The following RNF125 variants were observed in gnomAD, a reference collection of about 807,000 sequenced individuals.
The protein encoded by RNF125 is ring finger protein 125, also known as E3 ubiquitin-protein ligase RNF125.
A neutral mutation model predicts 26.0 loss-of-function variants in RNF125; 21 were observed. That is an observed-to-expected ratio of 0.81 (90% CI 0.57 to 1.16). RNF125 has a LOEUF of 1.16. RNF125 is among the 50% of genes most tolerant of loss of function. The probability of loss-of-function intolerance (pLI) is 0.00; values close to 1 mark genes in which losing one functional copy is unlikely to be tolerated. For missense variants in RNF125, 270 were observed against 299.4 expected, an observed-to-expected ratio of 0.90 and a Z score of 0.72; for synonymous variants, 95 against 109.2, an observed-to-expected ratio of 0.87 and a Z score of 0.81.
At chr18:32,050,881 T>C (rs1357746694) in intron 4 of RNF125, among the ~76,000 whole-genome samples, 111 of 123,622 alleles carry the variant, frequency 9.0e-4, no homozygotes, top group Middle Eastern at 7.7e-3. Flanking sequence ...TTTTTTTTTT[T>C]TTTTTTTTTT....
At chr18:32,040,269 CTTT>C (rs1185186501) in intron 2 of RNF125, among the ~76,000 whole-genome samples, 3 of 104,486 alleles carry the variant, frequency 2.9e-5, no homozygotes, top group African/African-American at 3.8e-5. Flanking sequence ...CAATTTCTTT[CTTT>C]TTTTTTTTTT....
chr18:32,087,370 G>A, the RNF125 span, among the ~76,000 whole-genome samples: 437 of 151,932 alleles, frequency 2.9e-3, 1 homozygote, highest in African/African-American at 9.7e-3. Context: ...ACCGCAACTT[G>A]AAGCTGGTTG....
At chr18:32,085,723 A>AAAAAAAAAAAAG in the RNF125 span, among the ~76,000 whole-genome samples, 1 of 146,224 alleles carries the variant, frequency 6.8e-6, no homozygotes, top group African/African-American at 2.7e-5. Flanking sequence ...AAAAAAAAAA[A>AAAAAAAAAAAAG]AGAGAGAGAG....
intron 2 of RNF125, among the ~76,000 whole-genome samples, chr18:32,039,478 GATATAT>G (rs1036453412): frequency 8.2e-4 from 125 of 152,068 alleles, no homozygotes; most frequent in African/African-American, 2.9e-3. Context: ...ATATATATGT[GATATAT>G]ATATAACTGA....
At chr18:32,024,298 G>GCGA (rs1568191576) in intron 1 of RNF125, among the ~76,000 whole-genome samples, 1 of 149,012 alleles carries the variant, frequency 6.7e-6, no homozygotes. Context: ...TGCCTCCCAG[G>GCGA]TTCTCCTGCC....
chr18:32,076,738 G>T (rs1187058680), downstream of RNF125, among the ~76,000 whole-genome samples: 2 of 151,982 alleles, frequency 1.3e-5, no homozygotes, highest in African/African-American at 4.8e-5. Flanking sequence ...TTATACTTCG[G>T]CCACACTGTT....
chr18:32,019,312 G>T (rs1334624740), intron 1 of RNF125, among the ~76,000 whole-genome samples: 2 of 152,170 alleles, frequency 1.3e-5, no homozygotes, highest in African/African-American at 4.8e-5. Context: ...ATCCAGGCAC[G>T]GGTCCCGCCC....
chr18:32,077,890 G>A (rs2039580892), downstream of RNF125, among the ~76,000 whole-genome samples: 1 of 151,726 alleles, frequency 6.6e-6, no homozygotes, highest in African/African-American at 2.4e-5. Flanking sequence ...CCAGGTCCAA[G>A]TGATCCTCCT....
intron 2 of RNF125, among the ~76,000 whole-genome samples, chr18:32,038,465 A>T (rs1282344162): frequency 2.0e-5 from 3 of 151,674 alleles, no homozygotes; most frequent in Non-Finnish European, 4.4e-5. Flanking sequence ...TCTTCCCATT[A>T]CTCCAGTGAT....
chr18:32,019,025 C>T lies in RNF125; in HGVS notation c.162C>T (p.His54=), dbSNP rs994574546. 4 of 1,612,128 alleles carry T rather than the reference C, an allele frequency of 2.5e-6. No homozygotes were observed. The highest frequency in any genetic ancestry group is 3.4e-6 in the Non-Finnish European group (4 of 1,179,262). ...AGCCTGTCCGGACCCGCTGTGGCCA[C>T]GTGTAAGTTCCAGGGGAGCTCGGTT... ...LHQPVRTRCG[H]VFCRSCIATS... The change falls in exon 1 of 6, where the codon CAC becomes CAT. Residue 54 remains histidine (H), a splice_region_variant and synonymous_variant. Transcript: ENST00000217740.
chr18:32,040,313 C>T (rs1471841020), intron 2 of RNF125, among the ~76,000 whole-genome samples: 4 of 147,300 alleles, frequency 2.7e-5, no homozygotes, highest in Non-Finnish European at 4.5e-5. Flanking sequence ...GCTCTGTCAC[C>T]CAGGCTGTAG....
chr18:32,068,701 T>G lies in RNF125; in HGVS notation c.*317T>G. The G allele has an allele frequency of 4.6e-6, 1 of 219,020 alleles. No individual in the cohort carries two copies. The allele number at this position is 219,020 out of a possible 1,614,324, so 13.6% of individuals were successfully genotyped here. A position where few individuals can be genotyped will look rare whatever the true frequency, so the allele number is the denominator to read the frequency against. ...TGCAAATTAGATAATACTCTGTGTA[T>G]AATGCTACATATCAATAACTACCAT... On this transcript the variant is annotated 3_prime_UTR_variant, in exon 6 of 6. Transcript: ENST00000217740.
rs1486767271 is a variant in RNF125, at chr18:32,032,369, T to C, written c.165-4747T>C. Among the ~76,000 whole-genome samples the C allele has an allele frequency of 2.0e-5, 3 of 149,372 alleles. No individual in the cohort carries two copies. The East Asian group carries it at 5.9e-4, about 29-fold the overall frequency. On this transcript the variant is annotated intron_variant, in intron 1 of 5. Transcript: ENST00000217740. The stretch of plus-strand genomic sequence containing the variant: ...TTAGGTTTACAGGCAGAAGCCACCA[T>C]GCCTGGCTGTATTTTTTTTTTTTAG...
chr18:32,085,371 AGCAGAGAGAG>A, the RNF125 span, among the ~76,000 whole-genome samples: 242 of 103,444 alleles, frequency 2.3e-3, 3 homozygotes, highest in African/African-American at 9.0e-3. Context: ...CACTGCCAGA[AGCAGAGAGAG>A]AGAGAGAGAG....
intron 4 of RNF125, among the ~76,000 whole-genome samples, chr18:32,051,102 C>G (rs1255113875): frequency 6.6e-6 from 1 of 151,824 alleles, no homozygotes; most frequent in Non-Finnish European, 1.5e-5. Context: ...TCAAGGAAGC[C>G]CTCCCTGATA....
chr18:32,019,229 T>G (rs66467030), intron 1 of RNF125, among the ~76,000 whole-genome samples: 82,308 of 151,738 alleles, frequency 0.54, 22,487 homozygotes, highest in Middle Eastern at 0.58. Context: ...GGAGAAAAAA[T>G]AAACAAGCGG....
chr18:32,029,055 T>C (rs1460165274), intron 1 of RNF125, among the ~76,000 whole-genome samples: 1 of 152,214 alleles, frequency 6.6e-6, no homozygotes, highest in Non-Finnish European at 1.5e-5. Flanking sequence ...TCTGTATTTC[T>C]TTTGGAAGAA....
chr18:32,056,981 G>C (rs1413366936), intron 4 of RNF125, among the ~76,000 whole-genome samples: 1 of 152,144 alleles, frequency 6.6e-6, no homozygotes, highest in Non-Finnish European at 1.5e-5. Context: ...TAGAGAAAAG[G>C]GTCCTCAGAG....
chr18:32,059,110 G>A (rs942606747), intron 4 of RNF125, among the ~76,000 whole-genome samples: 1 of 152,176 alleles, frequency 6.6e-6, no homozygotes, highest in Middle Eastern at 3.2e-3. Flanking sequence ...TGAATATACT[G>A]ATTTCCTTTC....
Sources: allele counts gnomAD v4.1 joint callset (sites outside exome capture counted in the v4.1 genomes callset), GRCh38; gene constraint gnomAD v4.1.1; transcripts MANE v1.5; gene names NCBI Gene and HGNC (gene_info 2026-07-23, HGNC 2026-07-21).